Variants in TDRD3 observed in about 807,000 individuals in gnomAD.
The protein encoded by TDRD3 is tudor domain containing 3, also known as tudor domain-containing protein 3.
TDRD3 carries 45 observed loss-of-function variants against 86.7 expected under a neutral mutation model. The ratio of observed to expected loss-of-function variants is 0.52; its 90% confidence interval spans 0.41 to 0.67. TDRD3 has a LOEUF of 0.67. TDRD3 is among the 30% of genes least tolerant of loss of function. The probability of loss-of-function intolerance (pLI) is 0.00; values close to 1 mark genes in which losing one functional copy is unlikely to be tolerated. For missense variants in TDRD3, 814 were observed against 889.0 expected (o/e 0.92, Z 1.07); for synonymous variants, 298 against 301.7 (o/e 0.99, Z 0.13).
chr13:60,541,630 G>A (rs908105582), intron 12 of TDRD3, among the ~76,000 whole-genome samples: 1 of 140,204 alleles, frequency 7.1e-6, no homozygotes, highest in African/African-American at 2.7e-5. Context: ...TACTTTACTT[G>A]TATATCCAAT....
chr13:60,480,001 A>T (rs907725354), intron 5 of TDRD3, among the ~76,000 whole-genome samples: 1 of 152,254 alleles, frequency 6.6e-6, no homozygotes, highest in Middle Eastern at 3.4e-3. Context: ...GTTTACATTC[A>T]GGGTCAATAT....
At chr13:60,549,673 T>C (rs1958005352) in intron 12 of TDRD3, among the ~76,000 whole-genome samples, 1 of 152,164 alleles carries the variant, frequency 6.6e-6, no homozygotes, top group Admixed American at 6.5e-5. Flanking sequence ...TGGGGGCTTA[T>C]CTCAGTAAAG....
Position 60,397,352 on chromosome 13 carries a change from C to A in TDRD3, c.-13C>A. On this transcript the variant is annotated 5_prime_UTR_variant, in exon 1 of 14. Transcript: ENST00000377881. The stretch of plus-strand genomic sequence containing the variant: ...ACCCCAGCCCCCCACCACCCCCGGC[C>A]TAAGCAGCTACCATGGCCCAGGTGG... 4 of 1,483,572 alleles carry A rather than the reference C, an allele frequency of 2.7e-6. No individual in the cohort carries two copies. The highest frequency in any genetic ancestry group is 3.6e-6 in the Non-Finnish European group (4 of 1,114,684). 91.9% of individuals were successfully genotyped at this position (1,483,572 alleles called of 1,614,324 possible).
intron 10 of TDRD3, among the ~76,000 whole-genome samples, chr13:60,525,270 T>C (rs1002630082): frequency 1.4e-5 from 2 of 137,980 alleles, no homozygotes; most frequent in Admixed American, 1.6e-4. Flanking sequence ...ACCTCCCGGG[T>C]TCAAGCAATT....
At chr13:60,414,241 A>G (rs986841204) in intron 1 of TDRD3, among the ~76,000 whole-genome samples, 1 of 152,138 alleles carries the variant, frequency 6.6e-6, no homozygotes, top group Non-Finnish European at 1.5e-5. Flanking sequence ...TGAAGAAAGA[A>G]AGATTATATA....
At chr13:60,447,637 G>T (rs950239258) in intron 3 of TDRD3, among the ~76,000 whole-genome samples, 1 of 152,026 alleles carries the variant, frequency 6.6e-6, no homozygotes, top group African/African-American at 2.4e-5. Flanking sequence ...TTATTGTCTG[G>T]GTTTTGGCCC....
intron 1 of TDRD3, among the ~76,000 whole-genome samples, chr13:60,430,107 G>T (rs1330509761): frequency 2.0e-5 from 3 of 152,096 alleles, no homozygotes; most frequent in Non-Finnish European, 4.4e-5. Context: ...GGTCCCACAT[G>T]TATTGAAAGG....
At chr13:60,516,314 A>T in intron 10 of TDRD3, among the ~76,000 whole-genome samples, 1 of 152,204 alleles carries the variant, frequency 6.6e-6, no homozygotes, top group Non-Finnish European at 1.5e-5. Context: ...GTTGGAAAAA[A>T]ATATATATTC....
At chr13:60,437,677 T>C (rs1955154494) in intron 1 of TDRD3, among the ~76,000 whole-genome samples, 1 of 151,780 alleles carries the variant, frequency 6.6e-6, no homozygotes, top group Non-Finnish European at 1.5e-5. Flanking sequence ...CCTATAATTC[T>C]TTAATTCTAC....
At chr13:60,514,054 G>A (rs753425312) in intron 10 of TDRD3, among the ~76,000 whole-genome samples, 20 of 152,194 alleles carry the variant, frequency 1.3e-4, no homozygotes, top group African/African-American at 1.9e-4. Flanking sequence ...ACTCCCTAGA[G>A]ACTTGTTGAA....
At chr13:60,408,886 G>A (rs560626107) in intron 1 of TDRD3, among the ~76,000 whole-genome samples, 2 of 152,338 alleles carry the variant, frequency 1.3e-5, no homozygotes, top group South Asian at 4.2e-4. Context: ...AGACCATGGA[G>A]AAAATGTCTC....
At chr13:60,547,619 T>G (rs1566294277) in intron 12 of TDRD3, 1 of 160,432 alleles carries the variant, frequency 6.2e-6, no homozygotes, top group East Asian at 1.9e-4. Flanking sequence ...TATCATAGGC[T>G]TAGCCTTCTT....
intron 12 of TDRD3, among the ~76,000 whole-genome samples, chr13:60,552,390 C>T (rs1007336796): frequency 2.6e-5 from 4 of 152,256 alleles, no homozygotes; most frequent in Non-Finnish European, 5.9e-5. Flanking sequence ...ACATCCAGGG[C>T]ACGCTAATGC....
At chr13:60,521,408 T>C (rs1187987215) in intron 10 of TDRD3, among the ~76,000 whole-genome samples, 1 of 152,042 alleles carries the variant, frequency 6.6e-6, no homozygotes, top group Non-Finnish European at 1.5e-5. Context: ...TGAGCAAGAC[T>C]CAGACCCTAC....
At chr13:60,461,129 T>C (rs1288905887) in intron 4 of TDRD3, 1 of 152,192 alleles carries the variant, frequency 6.6e-6, no homozygotes, top group Non-Finnish European at 1.5e-5. Flanking sequence ...GGTCACTCAA[T>C]TGTTAGAACA....
intron 10 of TDRD3, among the ~76,000 whole-genome samples, chr13:60,524,259 A>C (rs994864312): frequency 1.3e-5 from 2 of 152,066 alleles, no homozygotes; most frequent in Non-Finnish European, 2.9e-5. Flanking sequence ...TAATCCCAGC[A>C]CTTAGGGAGA....
At chr13:60,529,238 T>C in intron 11 of TDRD3, 21 bp downstream of exon 11, 1 of 1,544,724 alleles carries the variant, frequency 6.5e-7, no homozygotes, top group African/African-American at 1.4e-5. Flanking sequence ...TTTAAAGATA[T>C]TATACACTAA....
intron 12 of TDRD3, among the ~76,000 whole-genome samples, chr13:60,542,604 G>A (rs1240121844): frequency 6.6e-6 from 1 of 152,144 alleles, no homozygotes; most frequent in Non-Finnish European, 1.5e-5. Flanking sequence ...GTCAGTGATG[G>A]TGAACCTTGA....
intron 7 of TDRD3, among the ~76,000 whole-genome samples, chr13:60,487,309 T>C (rs545373715): frequency 5.2e-4 from 79 of 152,076 alleles, no homozygotes; most frequent in African/African-American, 1.8e-3. Context: ...AAACCCTGTC[T>C]CCACTAAAAT....
Sources: allele counts gnomAD v4.1 joint callset (sites outside exome capture counted in the v4.1 genomes callset), GRCh38; gene constraint gnomAD v4.1.1; transcripts MANE v1.5; gene names NCBI Gene and HGNC (gene_info 2026-07-23, HGNC 2026-07-21).